The following ORC5 variants were observed in gnomAD, a reference collection of about 807,000 sequenced individuals.
ORC5 encodes origin recognition complex subunit 5.
ORC5 carries 39 observed loss-of-function variants against 58.8 expected under a neutral mutation model. The ratio of observed to expected loss-of-function variants is 0.66; its 90% CI spans 0.51 to 0.87. ORC5 has a LOEUF of 0.87. ORC5 is among the 40% of genes least tolerant of loss of function. ORC5 has a pLI of 0.00. For missense variants in ORC5, 493 were observed against 506.3 expected (o/e 0.97, Z 0.25); for synonymous variants, 218 against 177.6 (o/e 1.23, Z -1.81).
chr7:104,187,939 A>G (rs971016103), intron 6 of ORC5: 1 of 1,007,800 alleles, frequency 9.9e-7, no homozygotes, highest in African/African-American at 1.7e-5. Context: ...GTTATTCCTC[A>G]TTTTGATTTT....
intron 5 of ORC5, among the ~76,000 whole-genome samples, chr7:104,193,801 T>A (rs541691169): frequency 8.3e-4 from 126 of 151,780 alleles, no homozygotes; most frequent in South Asian, 4.4e-3. Context: ...TATTATATAC[T>A]TTGCAAAAAT....
At chr7:104,155,225 A>C (rs2115827023) in intron 12 of ORC5, among the ~76,000 whole-genome samples, 1 of 151,906 alleles carries the variant, frequency 6.6e-6, no homozygotes, top group Middle Eastern at 3.4e-3. Context: ...TGAGTTCATA[A>C]GCAGAGAAGG....
intron 8 of ORC5, among the ~76,000 whole-genome samples, chr7:104,172,985 A>T (rs1344313822): frequency 7.3e-6 from 1 of 136,152 alleles, no homozygotes; most frequent in East Asian, 1.9e-4. Flanking sequence ...TCCAGGTTAA[A>T]AAAAAAAAAA....
chr7:104,173,445 A>G (rs1296934428), intron 8 of ORC5, among the ~76,000 whole-genome samples: 1 of 152,230 alleles, frequency 6.6e-6, no homozygotes, highest in Non-Finnish European at 1.5e-5. Context: ...ATCTGGAGTC[A>G]GAAGTGGGAC....
chr7:104,177,421 C>A (rs1039395618), intron 8 of ORC5, among the ~76,000 whole-genome samples: 2 of 152,018 alleles, frequency 1.3e-5, no homozygotes, highest in African/African-American at 4.8e-5. Context: ...CTATAAAAAA[C>A]TGACATGTGA....
chr7:104,155,702 A>G (rs1798915108), intron 12 of ORC5, among the ~76,000 whole-genome samples: 1 of 151,600 alleles, frequency 6.6e-6, no homozygotes, highest in East Asian at 1.9e-4. Context: ...GAAAAAAATA[A>G]AGCAATATGG....
At chr7:104,189,993 G>A (rs1178925192) in intron 5 of ORC5, among the ~76,000 whole-genome samples, 1 of 152,128 alleles carries the variant, frequency 6.6e-6, no homozygotes, top group Non-Finnish European at 1.5e-5. Flanking sequence ...CTGGTAGTTA[G>A]TGTCAGAAGT....
chr7:104,134,794 T>C (rs1429339358), intron 13 of ORC5, among the ~76,000 whole-genome samples: 1 of 151,820 alleles, frequency 6.6e-6, no homozygotes, highest in Non-Finnish European at 1.5e-5. Flanking sequence ...CTAAGGCACA[T>C]GGGAGGGAGG....
chr7:104,148,773 C>T (rs1279025403), intron 12 of ORC5, among the ~76,000 whole-genome samples: 3 of 152,132 alleles, frequency 2.0e-5, no homozygotes, highest in African/African-American at 4.8e-5. Flanking sequence ...TTGGCTCACA[C>T]CTGTAACCCC....
rs767437477 is a variant in ORC5 at position 104,136,772 on chromosome 7, A to G, written c.1262+9T>C. The G allele has an allele frequency of 1.9e-6, 3 of 1,546,824 alleles. No homozygotes were observed. Among genetic ancestry groups the G allele is most frequent in the Non-Finnish European group, 2.7e-6 (3 of 1,119,350 alleles). On this transcript the variant is annotated intron_variant, in intron 13 of 13. Coordinates refer to ENST00000297431, the MANE Select transcript of ORC5 (RefSeq NM_002553.4). This position sits in a 1 kb window ranked among gnomAD's most constrained non-coding sequence, Gnocchi z 4.2. Reference sequence around the variant, plus strand: ...TTAGTATATCATTACATAATTCAAGACATTTTACCTTGCAATAGCTCTGAT... The same window carrying G: ...TTAGTATATCATTACATAATTCAAGGCATTTTACCTTGCAATAGCTCTGAT...
intron 5 of ORC5, among the ~76,000 whole-genome samples, chr7:104,190,952 C>A (rs1013704228): frequency 1.3e-5 from 2 of 151,706 alleles, no homozygotes; most frequent in Non-Finnish European, 2.9e-5. Context: ...TATGAACTAT[C>A]TGAAAATTTA....
Position 104,191,119 on chromosome 7 carries a change from G to GAA in ORC5, c.554-2740_554-2739dup, listed in dbSNP as rs749674288. Among the ~76,000 whole-genome samples, 726 of 78,858 alleles carry GAA rather than the reference G, an allele frequency of 9.2e-3. 12 individuals are homozygous for GAA. The highest frequency in any genetic ancestry group is 0.03 in the African/African-American group (688 of 22,816). The allele number at this position is 78,858 out of a possible 152,430, so 51.7% of individuals were successfully genotyped here. ...TTTGCTTTTTTATTTCAAAACTGCT[G>GAA]AAAAAAAAAAAAAAAGCCAAAACTT... On this transcript the variant is annotated intron_variant, in intron 5 of 13. Coordinates refer to ENST00000297431, the MANE Select transcript of ORC5 (RefSeq NM_002553.4).
chr7:104,147,428 ATTTG>A (rs1348334666), intron 12 of ORC5, among the ~76,000 whole-genome samples: 2 of 152,292 alleles, frequency 1.3e-5, no homozygotes, highest in Admixed American at 6.5e-5. Context: ...TTCTGTTTTT[ATTTG>A]TTTGTTTTGG....
At position 104,204,349 on chromosome 7, in the gene ORC5, C is replaced by A. The variant is rs1800022317; in HGVS notation, c.73-115G>T. On this transcript the variant is annotated intron_variant, in intron 1 of 13. Coordinates refer to ENST00000297431, the MANE Select transcript of ORC5 (RefSeq NM_002553.4). ...TGAAATATTCAATCCAAATTCCTAA[C>A]AATGAGCATATTGTGGATGCATCAA... 78 of 669,726 alleles carry A rather than the reference C, an allele frequency of 1.2e-4. 5 individuals carry two copies. In the South Asian group the frequency reaches 1.5e-3, roughly 13 times the overall value. 41.5% of individuals were successfully genotyped at this position (669,726 alleles called of 1,614,324 possible). A position where few individuals can be genotyped will look rare whatever the true frequency, so the allele number is the denominator to read the frequency against.
chr7:104,129,903 G>A lies in ORC5; in HGVS notation c.1263-3010C>T, dbSNP rs925101270. Among the ~76,000 whole-genome samples, 5 of 152,266 alleles carry A rather than the reference G, an allele frequency of 3.3e-5. No individual in the cohort carries two copies. The highest frequency in any genetic ancestry group is 6.8e-3 in the Middle Eastern group (2 of 294). On this transcript the variant is annotated intron_variant, in intron 13 of 13. Coordinates refer to ENST00000297431, the MANE Select transcript of ORC5 (RefSeq NM_002553.4). The surrounding 1 kb of genome is among the most constrained non-coding windows in gnomAD (Gnocchi z 4.9). ...ATTCTTAAATCAGAATTTAGAATAC[G>A]TTAATACAACTTAATTATATGGCAT...
At position 104,184,406 on chromosome 7, in the gene ORC5, C is replaced by T. The variant is rs1799500020; in HGVS notation, c.685-235G>A. The T allele has an allele frequency of 1.3e-5, 6 of 448,824 alleles. No homozygotes were observed. The East Asian group carries it at 2.2e-4, about 17-fold the overall frequency. The allele number at this position is 448,824 out of a possible 1,614,324, so 27.8% of individuals were successfully genotyped here. On this transcript the variant is annotated intron_variant, in intron 6 of 13. Coordinates refer to ENST00000297431, the MANE Select transcript of ORC5 (RefSeq NM_002553.4). ...AAGCCTGTAGTGTGCTGTGACTGCA[C>T]CTGTGAACAGCCACTGCACTCCAGC...
intron 8 of ORC5, among the ~76,000 whole-genome samples, chr7:104,180,724 A>G (rs565684542): frequency 2.6e-5 from 4 of 152,304 alleles, no homozygotes; most frequent in East Asian, 3.9e-4. Context: ...GGTAAGTAAT[A>G]CTGGATCTTC....
intron 10 of ORC5, among the ~76,000 whole-genome samples, chr7:104,166,422 T>TC (rs1457825462): frequency 1.3e-5 from 2 of 152,224 alleles, no homozygotes; most frequent in Non-Finnish European, 2.9e-5. Flanking sequence ...CAGGAGAGGC[T>TC]CCTTCAGTGT....
intron 5 of ORC5, 46 bp from the exon 6 acceptor site, chr7:104,188,427 C>T: frequency 1.4e-6 from 2 of 1,418,022 alleles, no homozygotes; most frequent in Middle Eastern, 1.9e-4. Flanking sequence ...ACATAGTACA[C>T]TAATCATATC....
Sources: allele counts gnomAD v4.1 joint callset (sites outside exome capture counted in the v4.1 genomes callset), GRCh38; gene constraint gnomAD v4.1.1; non-coding constraint Gnocchi (gnomAD v3.1); transcripts MANE v1.5; gene names NCBI Gene and HGNC (gene_info 2026-07-23, HGNC 2026-07-21).